CAPZB: variants seen among roughly 807,000 people sequenced by gnomAD.
The protein encoded by CAPZB is F-actin-capping protein subunit beta.
In CAPZB, 2 loss-of-function variants were observed where a neutral mutation model predicts 38.1. The ratio of observed to expected loss-of-function variants is 0.05; its 90% CI spans 0.02 to 0.17. The LOEUF (loss-of-function observed/expected upper bound fraction) is 0.17. Among genes scored for constraint, CAPZB ranks in the 10% least tolerant of loss-of-function variants. The pLI, the probability that CAPZB is intolerant of heterozygous loss-of-function variation, is 1.00. For missense variants in CAPZB, 161 were observed against 334.2 expected (o/e 0.48, Z 4.04); for synonymous variants, 107 against 127.4 (o/e 0.84, Z 1.08).
intron 4 of CAPZB, among the ~76,000 whole-genome samples, chr1:19,366,056 G>A (rs1376363294): frequency 1.4e-5 from 1 of 69,264 alleles, no homozygotes; most frequent in African/African-American, 3.6e-5. Context: ...AAGATTCCAC[G>A]AGTCTTTCTT....
rs756604515 is a variant in CAPZB at position 19,385,757 on chromosome 1, T to C, written c.94-131A>G. 5 of 1,022,024 alleles carry C rather than the reference T, an allele frequency of 4.9e-6. No homozygotes were observed. In the Admixed American group the frequency reaches 6.8e-5, roughly 14 times the overall value. The allele number at this position is 1,022,024 out of a possible 1,614,324, so 63.3% of individuals were successfully genotyped here. ...GGCCCTGGGCACTGAGACAAAATTATGGGCCTGTTCTTTTCTTTTCCACAT... is the reference window on the plus strand; with the variant it reads ...GGCCCTGGGCACTGAGACAAAATTACGGGCCTGTTCTTTTCTTTTCCACAT... On this transcript the variant is annotated intron_variant, in intron 2 of 8. Coordinates refer to ENST00000264202, the MANE Select transcript of CAPZB (RefSeq NM_004930.5).
chr1:19,477,668 C>T (rs1159063958), intron 1 of CAPZB, among the ~76,000 whole-genome samples: 1 of 152,214 alleles, frequency 6.6e-6, no homozygotes, highest in Non-Finnish European at 1.5e-5. Context: ...GGGAAAAGGG[C>T]ACCGGTACCA....
At chr1:19,459,489 T>G (rs1379378456) in intron 1 of CAPZB, among the ~76,000 whole-genome samples, 2 of 152,144 alleles carry the variant, frequency 1.3e-5, no homozygotes, top group Non-Finnish European at 2.9e-5. Context: ...TTTTAAAACC[T>G]TCTACCACGC....
intron 2 of CAPZB, among the ~76,000 whole-genome samples, chr1:19,414,186 AT>A (rs569215284): frequency 6.6e-6 from 1 of 152,138 alleles, no homozygotes; most frequent in South Asian, 2.1e-4. Context: ...CATCTGTCAA[AT>A]CACACTCCCT....
At chr1:19,428,280 G>A (rs2094430457) in intron 1 of CAPZB, among the ~76,000 whole-genome samples, 1 of 152,156 alleles carries the variant, frequency 6.6e-6, no homozygotes, top group Non-Finnish European at 1.5e-5. Context: ...GCAGATGCCT[G>A]TAATCCCAGC....
chr1:19,477,773 TGGG>T (rs1248432086), intron 1 of CAPZB, among the ~76,000 whole-genome samples: 1 of 152,212 alleles, frequency 6.6e-6, no homozygotes, highest in East Asian at 1.9e-4. Context: ...GAAAGAAAGA[TGGG>T]GTCTTACTAT....
At chr1:19,476,705 G>A (rs940605258) in intron 1 of CAPZB, among the ~76,000 whole-genome samples, 16 of 152,196 alleles carry the variant, frequency 1.1e-4, no homozygotes, top group Admixed American at 8.5e-4. Context: ...AGACTATCTC[G>A]CCCTTTCAGC....
In CAPZB at chr1:19,341,703, A is replaced by T. The variant is rs187819221; in HGVS notation, c.732-2086T>A. Among the ~76,000 whole-genome samples, 128 of 152,372 alleles carry T rather than the reference A, an allele frequency of 8.4e-4. 1 individual carries two copies. The South Asian group carries it at 0.025, about 30-fold the overall frequency. ...TGCACCATCACGGTGTATCTTAAAA[A>T]GAGTTTTTTCTCAATGCCATGATGG... On this transcript the variant is annotated intron_variant, in intron 8 of 8. Transcript: ENST00000264202.
intron 2 of CAPZB, among the ~76,000 whole-genome samples, chr1:19,415,313 A>T (rs1488816457): frequency 6.6e-6 from 1 of 152,226 alleles, no homozygotes; most frequent in Non-Finnish European, 1.5e-5. Context: ...GCTACTTTCA[A>T]AACATCTGAC....
chr1:19,352,955 G>T (rs2093999890), intron 6 of CAPZB, among the ~76,000 whole-genome samples: 1 of 152,256 alleles, frequency 6.6e-6, no homozygotes, highest in African/African-American at 2.4e-5. Flanking sequence ...TGGGGCACGA[G>T]TGGGCACAGG....
chr1:19,481,660 G>A (rs569936335), intron 1 of CAPZB, among the ~76,000 whole-genome samples: 1 of 152,220 alleles, frequency 6.6e-6, no homozygotes, highest in African/African-American at 2.4e-5. Context: ...CGGGGCCCCA[G>A]AAAGCCTTGG....
At chr1:19,414,351 G>A (rs552638857) in intron 2 of CAPZB, among the ~76,000 whole-genome samples, 1 of 152,292 alleles carries the variant, frequency 6.6e-6, no homozygotes, top group East Asian at 1.9e-4. Context: ...AGAAGAATAT[G>A]CTGAAAACAG....
At chr1:19,469,741 T>TACACACACACACACACACAC (rs60330360) in intron 1 of CAPZB, among the ~76,000 whole-genome samples, 41 of 136,722 alleles carry the variant, frequency 3.0e-4, no homozygotes, top group South Asian at 9.6e-4. Context: ...AGGAAAAGAA[T>TACACACACACACACACACAC]ACACACACAC....
intron 2 of CAPZB, among the ~76,000 whole-genome samples, chr1:19,419,321 G>C: frequency 6.6e-6 from 1 of 152,172 alleles, no homozygotes; most frequent in South Asian, 2.1e-4. Flanking sequence ...TCTGGCCTGC[G>C]TGCACTGCTG....
At chr1:19,485,401 C>A in intron 1 of CAPZB, 35 bp downstream of exon 1, 2 of 1,219,292 alleles carry the variant, frequency 1.6e-6, no homozygotes, top group Non-Finnish European at 2.0e-6. Context: ...TCCGGAGGGG[C>A]CCCCGGGCCG....
chr1:19,464,289 AT>A (rs891453430), intron 1 of CAPZB, among the ~76,000 whole-genome samples: 7,220 of 132,550 alleles, frequency 0.054, 242 homozygotes, highest in African/African-American at 0.12. Context: ...ATCTCTGAAG[AT>A]TTTTTTTTTT....
intron 1 of CAPZB, among the ~76,000 whole-genome samples, chr1:19,447,644 T>C (rs900295080): frequency 2.0e-5 from 3 of 152,208 alleles, no homozygotes; most frequent in Non-Finnish European, 4.4e-5. Flanking sequence ...TCCAGCGAAA[T>C]GGTGAGTTGC....
chr1:19,413,897 G>T (rs1038629807), intron 2 of CAPZB, among the ~76,000 whole-genome samples: 1 of 152,134 alleles, frequency 6.6e-6, no homozygotes. Context: ...AGCTGTCCCT[G>T]GAAAAATGAT....
intron 4 of CAPZB, among the ~76,000 whole-genome samples, chr1:19,371,959 TG>T (rs1048540694): frequency 7.2e-5 from 11 of 152,186 alleles, no homozygotes; most frequent in Admixed American, 4.6e-4. Context: ...GGACAGGTGC[TG>T]GGGAGCCCAG....
Sources: gnomAD v4.1 joint callset for allele counts (sites outside exome capture counted in the v4.1 genomes callset) on GRCh38, gnomAD v4.1.1 for gene constraint, MANE v1.5 for transcripts, NCBI Gene and HGNC (gene_info 2026-07-23, HGNC 2026-07-21) for gene names.